The following NCKAP5 variants were observed in gnomAD, a reference collection of about 807,000 sequenced individuals.
NCKAP5 encodes NCK associated protein 5.
In NCKAP5, 92 loss-of-function variants were observed where a neutral mutation model predicts 167.0. That is an observed-to-expected ratio of 0.55 (90% CI 0.47 to 0.66). The LOEUF is 0.66. Ranked by LOEUF, NCKAP5 falls within the 30% of genes least tolerant of loss-of-function variation. NCKAP5 has a pLI of 0.00. For missense variants in NCKAP5, 2,378 were observed against 2,315.0 expected (o/e 1.03, Z -0.56); for synonymous variants, 891 against 877.4 (o/e 1.02, Z -0.27).
chr2:133,221,118 T>C (rs2086645636), intron 4 of NCKAP5, among the ~76,000 whole-genome samples: 1 of 152,184 alleles, frequency 6.6e-6, no homozygotes, highest in Non-Finnish European at 1.5e-5. Context: ...TTGATGAACA[T>C]GCAGGATGAT....
chr2:133,363,205 G>C (rs1685239333), intron 3 of NCKAP5, among the ~76,000 whole-genome samples: 1 of 152,168 alleles, frequency 6.6e-6, no homozygotes, highest in South Asian at 2.1e-4. Flanking sequence ...ATCATGAAAA[G>C]CCTGGGCTTC....
At chr2:133,017,895 A>G (rs760840180) in intron 6 of NCKAP5, among the ~76,000 whole-genome samples, 5 of 152,204 alleles carry the variant, frequency 3.3e-5, no homozygotes, top group Non-Finnish European at 5.9e-5. Context: ...TTGGGGTTAT[A>G]CAAGATGGTA....
the NCKAP5 span, among the ~76,000 whole-genome samples, chr2:133,624,675 T>C: frequency 6.6e-6 from 1 of 152,222 alleles, no homozygotes; most frequent in African/African-American, 2.4e-5. Context: ...TTCACAGTTA[T>C]TGCAGTATTC....
chr2:133,567,703 G>T (rs1357467279), intron 1 of NCKAP5, among the ~76,000 whole-genome samples: 6 of 147,734 alleles, frequency 4.1e-5, no homozygotes, highest in African/African-American at 1.5e-4. Context: ...GTGTGTGTTT[G>T]GGGAGAGAGT....
intron 3 of NCKAP5, among the ~76,000 whole-genome samples, chr2:133,337,954 A>G (rs569320579): frequency 2.0e-5 from 3 of 152,328 alleles, no homozygotes; most frequent in Non-Finnish European, 4.4e-5. Flanking sequence ...AATAAACACT[A>G]TATAATATGG....
intron 5 of NCKAP5, among the ~76,000 whole-genome samples, chr2:133,146,537 T>C (rs2083204237): frequency 6.6e-6 from 1 of 152,100 alleles, no homozygotes; most frequent in African/African-American, 2.4e-5. Context: ...TTTATAAGCA[T>C]TTGCCTTCAA....
At chr2:133,666,830 C>T in the NCKAP5 span, among the ~76,000 whole-genome samples, 2 of 151,856 alleles carry the variant, frequency 1.3e-5, no homozygotes, top group Non-Finnish European at 2.9e-5. Context: ...TCATAGCAAC[C>T]CACCTCATAT....
intron 3 of NCKAP5, among the ~76,000 whole-genome samples, chr2:133,315,478 T>C (rs1190599718): frequency 6.6e-6 from 1 of 152,104 alleles, no homozygotes; most frequent in Non-Finnish European, 1.5e-5. Context: ...TCATTACATA[T>C]GAAAGAGTAG....
At chr2:133,546,919 G>C (rs369809598) in intron 2 of NCKAP5, among the ~76,000 whole-genome samples, 10 of 152,330 alleles carry the variant, frequency 6.6e-5, no homozygotes, top group South Asian at 6.2e-4. Context: ...AGCTCCCAGC[G>C]TGAGCAACAC....
At chr2:132,925,350 C>A (rs2149027604) in intron 8 of NCKAP5, among the ~76,000 whole-genome samples, 1 of 150,490 alleles carries the variant, frequency 6.6e-6, no homozygotes, top group Admixed American at 6.6e-5. Context: ...GTCAGCAGAT[C>A]AAGACCATCC....
At chr2:133,419,707 C>T (rs1037046965) in intron 3 of NCKAP5, among the ~76,000 whole-genome samples, 2 of 152,206 alleles carry the variant, frequency 1.3e-5, no homozygotes, top group Admixed American at 1.3e-4. Context: ...TTTTCCTGGG[C>T]TATTTACACA....
chr2:132,882,050 TG>T (rs1381790915), intron 8 of NCKAP5, among the ~76,000 whole-genome samples: 1 of 152,236 alleles, frequency 6.6e-6, no homozygotes, highest in African/African-American at 2.4e-5. Context: ...ATAATTTTGA[TG>T]TTCAAATCAC....
chr2:132,745,244 A>G (rs1679539859), intron 16 of NCKAP5, among the ~76,000 whole-genome samples: 1 of 151,886 alleles, frequency 6.6e-6, no homozygotes, highest in African/African-American at 2.4e-5. Context: ...TGCATAATTA[A>G]GCAAATTACT....
At chr2:133,421,954 A>C (rs936125596) in intron 3 of NCKAP5, among the ~76,000 whole-genome samples, 1 of 152,104 alleles carries the variant, frequency 6.6e-6, no homozygotes, top group African/African-American at 2.4e-5. Context: ...CCACTCATTC[A>C]TTTCTTTCCA....
chr2:133,549,103 A>C (rs1359381567), intron 2 of NCKAP5, among the ~76,000 whole-genome samples: 1 of 150,890 alleles, frequency 6.6e-6, no homozygotes, highest in Admixed American at 6.6e-5. Context: ...AACAGACTTT[A>C]AACCAACAAA....
At chr2:133,345,767 T>A (rs968060704) in intron 3 of NCKAP5, among the ~76,000 whole-genome samples, 1 of 152,010 alleles carries the variant, frequency 6.6e-6, no homozygotes. Context: ...CAAGATGTAA[T>A]ATGGGAGTGG....
At chr2:133,175,848 A>T (rs977755782) in intron 5 of NCKAP5, among the ~76,000 whole-genome samples, 2 of 152,202 alleles carry the variant, frequency 1.3e-5, no homozygotes, top group East Asian at 3.8e-4. Context: ...TCTCAGCTCC[A>T]TATACCAACC....
chr2:133,520,927 T>A (rs1164292289), intron 2 of NCKAP5, among the ~76,000 whole-genome samples: 1 of 152,182 alleles, frequency 6.6e-6, no homozygotes, highest in Non-Finnish European at 1.5e-5. Flanking sequence ...ATTCCCAGCC[T>A]AACTACATGT....
intron 7 of NCKAP5, among the ~76,000 whole-genome samples, chr2:132,993,724 T>G (rs1050266286): frequency 3.9e-5 from 6 of 152,190 alleles, no homozygotes; most frequent in African/African-American, 1.4e-4. Context: ...GGAATGCCCT[T>G]CATGGAGTTC....
Sources: allele counts gnomAD v4.1 joint callset (sites outside exome capture counted in the v4.1 genomes callset), GRCh38; gene constraint gnomAD v4.1.1; transcripts MANE v1.5; gene names NCBI Gene and HGNC (gene_info 2026-07-23, HGNC 2026-07-21).